Variants in SPAG16 observed in about 807,000 individuals in gnomAD.
The protein encoded by SPAG16 is sperm associated antigen 16, also known as sperm-associated antigen 16 protein.
A neutral mutation model predicts 80.4 loss-of-function variants in SPAG16; 86 were observed. The ratio of observed to expected loss-of-function variants is 1.07; its 90% CI spans 0.90 to 1.28. The LOEUF (loss-of-function observed/expected upper bound fraction) is 1.28. Ranked by LOEUF, SPAG16 falls within the 50% of genes most tolerant of loss-of-function variation. The pLI is 0.00. For missense variants in SPAG16, 870 were observed against 765.3 expected (o/e 1.14, Z -1.61); for synonymous variants, 294 against 265.9 (o/e 1.11, Z -1.03).
chr2:214,351,498 G>A (rs930245090), intron 15 of SPAG16, among the ~76,000 whole-genome samples: 4 of 151,654 alleles, frequency 2.6e-5, no homozygotes, highest in South Asian at 4.2e-4. Flanking sequence ...TCAGGAGATC[G>A]AGACCATCCT....
chr2:213,327,289 T>C (rs1391087743), intron 5 of SPAG16, among the ~76,000 whole-genome samples: 2 of 152,032 alleles, frequency 1.3e-5, no homozygotes, highest in East Asian at 1.9e-4. Flanking sequence ...ATTTTCCATT[T>C]ATTAAGCAGA....
intron 15 of SPAG16, among the ~76,000 whole-genome samples, chr2:214,273,064 G>C (rs1458436516): frequency 6.6e-6 from 1 of 152,130 alleles, no homozygotes; most frequent in Non-Finnish European, 1.5e-5. Context: ...ATTTTTTCAT[G>C]TGTCTTTTGG....
intron 15 of SPAG16, among the ~76,000 whole-genome samples, chr2:214,381,311 G>C (rs904858723): frequency 5.3e-5 from 8 of 152,154 alleles, no homozygotes; most frequent in Non-Finnish European, 1.2e-4. Context: ...CAAATCAAGA[G>C]GTGCTTTTCT....
intron 10 of SPAG16, among the ~76,000 whole-genome samples, chr2:213,761,098 A>G (rs1232477696): frequency 6.6e-6 from 1 of 152,234 alleles, no homozygotes; most frequent in East Asian, 1.9e-4. Flanking sequence ...CATAGCAAGG[A>G]TGAAGTTAGA....
intron 13 of SPAG16, among the ~76,000 whole-genome samples, chr2:214,077,891 G>A (rs749397057): frequency 1.3e-5 from 2 of 152,176 alleles, no homozygotes; most frequent in Admixed American, 6.5e-5. Context: ...TGTTCCTTTT[G>A]TGTAGTAGCC....
intron 11 of SPAG16, among the ~76,000 whole-genome samples, chr2:213,913,859 T>C (rs965393147): frequency 2.6e-5 from 4 of 152,088 alleles, no homozygotes; most frequent in African/African-American, 9.7e-5. Context: ...ATGTCTGATT[T>C]TGCAGCTTAA....
At chr2:214,216,935 T>C (rs1237816105) in intron 15 of SPAG16, among the ~76,000 whole-genome samples, 1 of 152,218 alleles carries the variant, frequency 6.6e-6, no homozygotes, top group African/African-American at 2.4e-5. Flanking sequence ...GCACAAGATA[T>C]TAATATATAA....
intron 10 of SPAG16, among the ~76,000 whole-genome samples, chr2:213,627,311 G>A (rs1280364816): frequency 2.6e-5 from 4 of 152,192 alleles, no homozygotes; most frequent in Non-Finnish European, 5.9e-5. Flanking sequence ...CAGCCTATGT[G>A]ACTCAGTGTC....
Position 214,351,165 on chromosome 2 carries a change from T to C in SPAG16, c.1721-58975T>C, listed in dbSNP as rs145270147. Among the ~76,000 whole-genome samples the C allele has an allele frequency of 5.7e-4, 87 of 152,242 alleles. 1 individual carries two copies. The Middle Eastern group carries it at 0.01, about 18-fold the overall frequency. On this transcript the variant is annotated intron_variant, in intron 15 of 15. Coordinates refer to ENST00000331683, the MANE Select transcript of SPAG16 (RefSeq NM_024532.5). ...AAAACCTATGGGGTTTAATATTTAA[T>C]GTAAGGGCTGAAAAAATATTAATGC...
intron 10 of SPAG16, among the ~76,000 whole-genome samples, chr2:213,848,921 G>T (rs781250677): frequency 6.6e-6 from 1 of 152,024 alleles, no homozygotes; most frequent in Admixed American, 6.6e-5. Context: ...TTTTTTTAGT[G>T]TAGAAATTGA....
chr2:213,621,206 A>G (rs2061770572), intron 10 of SPAG16, among the ~76,000 whole-genome samples: 1 of 152,196 alleles, frequency 6.6e-6, no homozygotes, highest in Non-Finnish European at 1.5e-5. Flanking sequence ...AATCAAATTA[A>G]TGAAATATTT....
chr2:213,855,526 C>CT (rs922531590), intron 10 of SPAG16, among the ~76,000 whole-genome samples: 6 of 151,854 alleles, frequency 4.0e-5, no homozygotes, highest in African/African-American at 9.7e-5. Context: ...ATAGTTACTA[C>CT]TTTTTTTTTC....
In SPAG16 at chr2:213,396,122, A is replaced by G. The variant is rs367679575; in HGVS notation, c.942+21003A>G. On this transcript the variant is annotated intron_variant, in intron 9 of 15. Coordinates refer to ENST00000331683, the MANE Select transcript of SPAG16 (RefSeq NM_024532.5). ...AACATATTTGGATATATCCTAAGGT[A>G]ATTATCTTCACCTTACTATTATTCT... is the stretch of plus-strand genomic sequence containing the variant. Among the ~76,000 whole-genome samples the G allele has an allele frequency of 3.9e-5, 6 of 152,306 alleles. No homozygotes were observed. The South Asian group carries it at 1.0e-3, about 26-fold the overall frequency.
intron 15 of SPAG16, among the ~76,000 whole-genome samples, chr2:214,153,784 T>C (rs2056090866): frequency 6.6e-6 from 1 of 152,216 alleles, no homozygotes; most frequent in South Asian, 2.1e-4. Flanking sequence ...TATATACATA[T>C]ATATTTTAAG....
intron 13 of SPAG16, among the ~76,000 whole-genome samples, chr2:214,070,485 G>C (rs2050736431): frequency 6.6e-6 from 1 of 152,022 alleles, no homozygotes; most frequent in African/African-American, 2.4e-5. Context: ...TTATAACATA[G>C]ATCTTCGTAG....
chr2:213,390,017 G>A (rs1176205403), intron 9 of SPAG16, among the ~76,000 whole-genome samples: 2 of 152,126 alleles, frequency 1.3e-5, no homozygotes, highest in African/African-American at 2.4e-5. Context: ...TAAGCAAAAT[G>A]TGGTATATAC....
chr2:214,170,630 C>G (rs1253622512), intron 15 of SPAG16, among the ~76,000 whole-genome samples: 1 of 151,988 alleles, frequency 6.6e-6, no homozygotes, highest in Non-Finnish European at 1.5e-5. Flanking sequence ...TTTATTTATG[C>G]TATTCAGACT....
intron 9 of SPAG16, among the ~76,000 whole-genome samples, chr2:213,473,205 T>G (rs2073181449): frequency 6.6e-6 from 1 of 152,246 alleles, no homozygotes; most frequent in African/African-American, 2.4e-5. Flanking sequence ...GAGCTCTACT[T>G]GAGTCAGACT....
intron 15 of SPAG16, among the ~76,000 whole-genome samples, chr2:214,190,006 A>T (rs973179821): frequency 6.6e-6 from 1 of 152,058 alleles, no homozygotes; most frequent in African/African-American, 2.4e-5. Flanking sequence ...TGAACATCCT[A>T]CTCTGAAATT....
Sources: allele counts gnomAD v4.1 joint callset (sites outside exome capture counted in the v4.1 genomes callset), GRCh38; gene constraint gnomAD v4.1.1; transcripts MANE v1.5; gene names NCBI Gene and HGNC (gene_info 2026-07-23, HGNC 2026-07-21).